The following IGF1R variants were observed in gnomAD, a reference collection of about 807,000 sequenced individuals.
IGF1R encodes insulin-like growth factor 1 receptor.
IGF1R carries 44 observed loss-of-function variants against 144.6 expected under a neutral mutation model. The observed-to-expected ratio is 0.30, with a 90% CI of 0.24 to 0.39. The LOEUF is 0.39. IGF1R is among the 10% of genes least tolerant of loss of function. IGF1R has a pLI of 1.00. For missense variants in IGF1R, 1,355 were observed against 1,833.7 expected (o/e 0.74, Z 4.77); for synonymous variants, 795 against 722.8 (o/e 1.10, Z -1.60).
intron 1 of IGF1R, among the ~76,000 whole-genome samples, chr15:98,677,962 T>C (rs1246173848): frequency 6.6e-6 from 1 of 152,170 alleles, no homozygotes; most frequent in Non-Finnish European, 1.5e-5. Flanking sequence ...ACAGGCATAT[T>C]TGTCCTTTTT....
At chr15:98,771,637 G>A (rs972568841) in intron 2 of IGF1R, among the ~76,000 whole-genome samples, 1 of 152,134 alleles carries the variant, frequency 6.6e-6, no homozygotes, top group African/African-American at 2.4e-5. Flanking sequence ...GTTGAAAAGA[G>A]TGTATCTTAC....
intron 10 of IGF1R, among the ~76,000 whole-genome samples, chr15:98,921,525 G>C (rs1259429429): frequency 6.6e-6 from 1 of 152,116 alleles, no homozygotes; most frequent in African/African-American, 2.4e-5. Context: ...GGGCTCCAGG[G>C]ACCTGCAGAG....
At chr15:98,911,719 A>T (rs929733041) in intron 7 of IGF1R, among the ~76,000 whole-genome samples, 1 of 152,140 alleles carries the variant, frequency 6.6e-6, no homozygotes, top group Non-Finnish European at 1.5e-5. Context: ...TAAACCCAAA[A>T]TGGGGAAAGC....
rs144394679 is a variant in IGF1R, at chr15:98,963,708, C to A, written c.*6266C>A. On this transcript the variant is annotated 3_prime_UTR_variant, in exon 21 of 21. Transcript: ENST00000650285. ...GGCCATTTGCTTACATGCCTCGTAT[C>A]ATGACTGATTACTGCTTTGTTAGAA... 124 of 232,824 alleles carry A rather than the reference C, an allele frequency of 5.3e-4. No homozygotes were observed. Among genetic ancestry groups the A allele is most frequent in the African/African-American group, 2.4e-3 (110 of 45,448 alleles). 14.4% of individuals were successfully genotyped at this position (232,824 alleles called of 1,614,324 possible).
At chr15:98,820,985 G>C (rs2056791258) in intron 2 of IGF1R, 4 of 152,088 alleles carry the variant, frequency 2.6e-5, no homozygotes, top group Admixed American at 2.6e-4. Flanking sequence ...TTTTCTTTTT[G>C]GTGTACAACA....
rs1396199952 is a variant in IGF1R at position 98,962,712 on chromosome 15, T to C, written c.*5270T>C. On this transcript the variant is annotated 3_prime_UTR_variant, in exon 21 of 21. Transcript: ENST00000650285. The stretch of plus-strand genomic sequence containing the variant: ...AGCAGGGTGCAGGGCTTGGAAGGAA[T>C]GTGGGCAAGGTTTTGAACTTGATTG... 1 of 233,502 alleles carries C rather than the reference T, an allele frequency of 4.3e-6. No homozygotes were observed. The highest frequency in any genetic ancestry group is 2.2e-5 in the African/African-American group (1 of 45,332). The allele number at this position is 233,502 out of a possible 1,614,324, so 14.5% of individuals were successfully genotyped here.
intron 2 of IGF1R, among the ~76,000 whole-genome samples, chr15:98,725,565 C>A (rs755042435): frequency 6.6e-6 from 1 of 152,120 alleles, no homozygotes; most frequent in East Asian, 1.9e-4. Flanking sequence ...CTTTGGGACT[C>A]CTAGATGTGG....
intron 1 of IGF1R, among the ~76,000 whole-genome samples, chr15:98,650,567 TGG>T (rs954580765): frequency 5.9e-5 from 9 of 152,186 alleles, no homozygotes; most frequent in African/African-American, 1.9e-4. Flanking sequence ...GGTGGGTGTG[TGG>T]TCGGAGCCGA....
intron 2 of IGF1R, among the ~76,000 whole-genome samples, chr15:98,846,585 G>A (rs760828579): frequency 1.3e-5 from 2 of 152,220 alleles, no homozygotes; most frequent in Non-Finnish European, 2.9e-5. Context: ...GATGGTAACA[G>A]AGGCACTGTC....
intron 2 of IGF1R, among the ~76,000 whole-genome samples, chr15:98,752,649 A>G (rs1596268402): frequency 6.6e-6 from 1 of 151,398 alleles, no homozygotes; most frequent in Non-Finnish European, 1.5e-5. Context: ...TGCCACTTGC[A>G]CTCCAGCCTG....
At chr15:98,926,390 T>C (rs2684804) in intron 13 of IGF1R, among the ~76,000 whole-genome samples, 13,324 of 149,664 alleles carry the variant, frequency 0.089, 774 homozygotes, top group Non-Finnish European at 0.13. Flanking sequence ...TCAATAGATA[T>C]ATTGTACATG....
chr15:98,699,249 G>A (rs949213218), intron 1 of IGF1R, among the ~76,000 whole-genome samples: 3 of 152,210 alleles, frequency 2.0e-5, no homozygotes, highest in Admixed American at 2.0e-4. Context: ...TGGGTGCTAG[G>A]TGGTAGTGAG....
At chr15:98,651,654 C>T (rs1433674373) in intron 1 of IGF1R, among the ~76,000 whole-genome samples, 1 of 152,192 alleles carries the variant, frequency 6.6e-6, no homozygotes, top group East Asian at 1.9e-4. Context: ...GAGCGTTCTT[C>T]TTGAAGGATA....
intron 2 of IGF1R, among the ~76,000 whole-genome samples, chr15:98,726,520 C>T (rs533509381): frequency 1.3e-5 from 2 of 152,246 alleles, no homozygotes; most frequent in African/African-American, 2.4e-5. Flanking sequence ...TCCCTCCCTT[C>T]CTACCACCTT....
chr15:98,787,876 C>G (rs912747380), intron 2 of IGF1R, among the ~76,000 whole-genome samples: 6 of 151,986 alleles, frequency 3.9e-5, no homozygotes, highest in Admixed American at 1.3e-4. Flanking sequence ...GCCTGGAGGC[C>G]CTTTGTGGTG....
At chr15:98,899,349 A>G (rs1242175176) in intron 4 of IGF1R, 128 bp from the exon 5 acceptor site, 2 of 895,828 alleles carry the variant, frequency 2.2e-6, no homozygotes, top group Admixed American at 1.9e-5. Context: ...GGGAGCAGCC[A>G]GTCCTGTGCT....
At position 98,959,309 on chromosome 15, in the gene IGF1R, C is replaced by CAGCTGCTGAGTCCAAGGG. The variant is rs2017132978; in HGVS notation, c.*1871_*1888dup. 4.3e-6 allele frequency: 1 copy of CAGCTGCTGAGTCCAAGGG among 233,544 alleles called. No individual in the cohort carries two copies. The highest frequency in any genetic ancestry group is 1.8e-4 in the South Asian group (1 of 5,536). 14.5% of individuals were successfully genotyped at this position (233,544 alleles called of 1,614,324 possible). On this transcript the variant is annotated 3_prime_UTR_variant, in exon 21 of 21. Transcript: ENST00000650285. ...TTTAATCCTTCCATCCCACGAAAAA[C>CAGCTGCTGAGTCCAAGGG]AGCTGCTGAGTCCAAGGGAGCAGCA...
intron 2 of IGF1R, among the ~76,000 whole-genome samples, chr15:98,728,396 C>T (rs2054417298): frequency 6.6e-6 from 1 of 152,184 alleles, no homozygotes; most frequent in South Asian, 2.1e-4. Flanking sequence ...GCTCAAGACC[C>T]CGGTTAAGGG....
intron 1 of IGF1R, among the ~76,000 whole-genome samples, chr15:98,700,376 C>T (rs1212663615): frequency 6.6e-6 from 1 of 152,066 alleles, no homozygotes; most frequent in Non-Finnish European, 1.5e-5. Context: ...TTTACCTGCA[C>T]CACACTGCAG....
Sources: allele counts gnomAD v4.1 joint callset (sites outside exome capture counted in the v4.1 genomes callset), GRCh38; gene constraint gnomAD v4.1.1; transcripts MANE v1.5; gene names NCBI Gene and HGNC (gene_info 2026-07-23, HGNC 2026-07-21).